The following MMADHC variants were observed in gnomAD, a reference collection of about 807,000 sequenced individuals.
MMADHC encodes metabolism of cobalamin associated D, also known as cobalamin trafficking protein CblD.
Under a neutral mutation model 36.3 loss-of-function variants are expected in MMADHC, and 23 were observed. The ratio of observed to expected loss-of-function variants is 0.63; its 90% CI spans 0.46 to 0.90. MMADHC has a LOEUF of 0.90. Ranked by LOEUF, MMADHC falls within the 40% of genes least tolerant of loss-of-function variation. The pLI, the probability that MMADHC is intolerant of heterozygous loss-of-function variation, is 0.00. For missense variants in MMADHC, 330 were observed against 348.0 expected, an observed-to-expected ratio of 0.95 and a Z score of 0.41; for synonymous variants, 97 against 116.1, an observed-to-expected ratio of 0.84 and a Z score of 1.06.
intron 6 of MMADHC, 80 bp from the exon 7 acceptor site, chr2:149,571,251 C>A: frequency 1.1e-6 from 1 of 897,128 alleles, no homozygotes; most frequent in South Asian, 2.3e-5. Flanking sequence ...TTTTAAGTGA[C>A]TATCTTGTTT....
rs1682802404 is a variant in MMADHC at position 149,582,110 on chromosome 2, T to C, written c.154+17A>G. ...TTTGAAACAATTATAAGTAAAGCAG[T>C]AACAACTTTCACTTACATATATCTG... On this transcript the variant is annotated intron_variant, in intron 3 of 7. Transcript: ENST00000303319. 2 of 1,613,044 alleles carry C rather than the reference T, an allele frequency of 1.2e-6. No homozygotes were observed. The highest frequency in any genetic ancestry group is 1.3e-5 in the African/African-American group (1 of 74,998).
chr2:149,587,057 C>T (rs1235219564), intron 2 of MMADHC, 32 bp downstream of exon 2: 6 of 1,609,286 alleles, frequency 3.7e-6, no homozygotes, highest in African/African-American at 2.7e-5. Flanking sequence ...AACGAGTTTA[C>T]TATGCTGATT....
chr2:149,576,824 T>G (rs994771004), intron 4 of MMADHC, among the ~76,000 whole-genome samples: 3 of 152,190 alleles, frequency 2.0e-5, no homozygotes, highest in Non-Finnish European at 2.9e-5. Flanking sequence ...GCTAAGTAAC[T>G]AAAATGCCAT....
chr2:149,571,673 G>A (rs995750268), intron 6 of MMADHC, among the ~76,000 whole-genome samples: 9 of 151,982 alleles, frequency 5.9e-5, no homozygotes, highest in South Asian at 2.1e-4. Flanking sequence ...CCAGCTACTC[G>A]GGAGGCTGAG....
chr2:149,581,759 A>G (rs1253033167), intron 3 of MMADHC, among the ~76,000 whole-genome samples: 1 of 152,248 alleles, frequency 6.6e-6, no homozygotes, highest in Non-Finnish European at 1.5e-5. Flanking sequence ...CTTTGTAGAA[A>G]GCAGGTAAGT....
intron 2 of MMADHC, among the ~76,000 whole-genome samples, chr2:149,585,627 G>A (rs1682858302): frequency 6.6e-6 from 1 of 152,198 alleles, no homozygotes; most frequent in Non-Finnish European, 1.5e-5. Context: ...TGTAGCTAAG[G>A]AAAGGTTGCT....
At chr2:149,571,926 CAT>C (rs1434633606) in intron 6 of MMADHC, among the ~76,000 whole-genome samples, 16 of 152,046 alleles carry the variant, frequency 1.1e-4, no homozygotes, top group Admixed American at 9.2e-4. Context: ...TATCTACTCA[CAT>C]AGTCATGAAA....
intron 4 of MMADHC, among the ~76,000 whole-genome samples, chr2:149,578,095 C>T (rs1468700934): frequency 6.6e-6 from 1 of 152,014 alleles, no homozygotes; most frequent in African/African-American, 2.4e-5. Flanking sequence ...CTCGAGGTCA[C>T]AAAATTAAGT....
At chr2:149,571,587 T>C (rs373548746) in intron 6 of MMADHC, among the ~76,000 whole-genome samples, 1 of 152,126 alleles carries the variant, frequency 6.6e-6, no homozygotes, top group African/African-American at 2.4e-5. Context: ...GAGACTATAC[T>C]GGCTAACACG....
chr2:149,575,765 A>T lies in MMADHC; in HGVS notation c.555T>A (p.Asp185Glu). ...CTACTTCTTCACTCCAAACAGTCAT[A>T]TCATTCTTAGTTTTTTGTGTTACAG... Reference protein sequence around the residue: ...ILTVTQKTKNDMTVWSEEVEI... With the variant: ...ILTVTQKTKNEMTVWSEEVEI... Residue 185 changes from aspartate to glutamate, a missense_variant, in exon 6 of 8, where the codon GAT becomes GAA. Physicochemically the swap from Asp to Glu is conservative, Grantham distance 45. Transcript: ENST00000303319. The T allele has an allele frequency of 6.2e-7, 1 of 1,610,048 alleles. No homozygotes were observed. The highest frequency in any genetic ancestry group is 1.1e-5 in the South Asian group (1 of 90,604).
Position 149,569,762 on chromosome 2 carries a change from C to CA in MMADHC, c.*211dup. Reference sequence around the variant, plus strand: ...TACAAGCTAATTACCACATCCTATACAATGTGGATGTGTTCAACGTGTATT... The same window carrying CA: ...TACAAGCTAATTACCACATCCTATACAAATGTGGATGTGTTCAACGTGTATT... On this transcript the variant is annotated 3_prime_UTR_variant, in exon 8 of 8. Transcript: ENST00000303319. 5.9e-6 allele frequency: 3 copies of CA among 512,748 alleles called. No homozygotes were observed. In the South Asian group the frequency reaches 7.3e-5, roughly 12 times the overall value. The allele number at this position is 512,748 out of a possible 1,614,324, so 31.8% of individuals were successfully genotyped here.
At chr2:149,581,417 T>C (rs1682791716) in intron 3 of MMADHC, among the ~76,000 whole-genome samples, 2 of 152,158 alleles carry the variant, frequency 1.3e-5, no homozygotes, top group Non-Finnish European at 2.9e-5. Context: ...TTGTAAGTAA[T>C]GTGTGCCATG....
intron 3 of MMADHC, 84 bp downstream of exon 3, chr2:149,582,043 G>T: frequency 6.8e-7 from 1 of 1,462,788 alleles, no homozygotes; most frequent in Non-Finnish European, 9.5e-7. Flanking sequence ...AATCCATTAA[G>T]CCTTAAGAAG....
Position 149,571,192 on chromosome 2 carries a change from A to C in MMADHC, c.610-21T>G, listed in dbSNP as rs926596433. On this transcript the variant is annotated intron_variant, in intron 6 of 7. Coordinates refer to ENST00000303319, the MANE Select transcript of MMADHC (RefSeq NM_015702.3). ...ATGAACTGCAATGGAAGTCACAAAT[A>C]ATATGCTTAAGATAGCATTACTAGA... The C allele has an allele frequency of 8.0e-6, 12 of 1,502,792 alleles. No individual in the cohort carries two copies. In the African/African-American group the frequency reaches 1.1e-4, roughly 14 times the overall value. The allele number at this position is 1,502,792 out of a possible 1,614,324, so 93.1% of individuals were successfully genotyped here.
chr2:149,579,460 CA>C lies in MMADHC; in HGVS notation c.342del (p.Phe114LeufsTer2). The C allele has an allele frequency of 6.2e-7, 1 of 1,612,252 alleles. No homozygotes were observed. The highest frequency in any genetic ancestry group is 8.5e-7 in the Non-Finnish European group (1 of 1,179,944). On this transcript the variant is annotated frameshift_variant, in exon 4 of 8. Transcript: ENST00000303319. LOFTEE classifies it high-confidence loss of function. ...AATTCATTCACATATTGTGCCATCA[CA>C]AACTCATGTCTTTCACTTGATAAAG... ...AEPLSSERHE[F>X]VMAQYVNEFQ...
At position 149,582,139 on chromosome 2, in the gene MMADHC, G is replaced by A. The variant is rs778041300; in HGVS notation, c.142C>T (p.Pro48Ser). Residue 48 changes from proline to serine, a missense_variant, in exon 3 of 8, where the codon CCT becomes TCT. Pro to Ser is a moderately conservative substitution (Grantham distance 74). Coordinates refer to ENST00000303319, the MANE Select transcript of MMADHC (RefSeq NM_015702.3). ...AACTTTCACTTACATATATCTGGAGGTGCAGCAGCCACATGAGACTCATCC... is the reference window on the plus strand; with the variant it reads ...AACTTTCACTTACATATATCTGGAGATGCAGCAGCCACATGAGACTCATCC... ...GSDESHVAAAPPDICSRTVWP... is the reference protein window; with the variant it reads ...GSDESHVAAASPDICSRTVWP... 14 of 1,613,758 alleles carry A rather than the reference G, an allele frequency of 8.7e-6. No individual in the cohort carries two copies. The South Asian group carries it at 1.5e-4, about 18-fold the overall frequency.
intron 6 of MMADHC, 117 bp from the exon 7 acceptor site, chr2:149,571,288 A>G: frequency 3.3e-6 from 2 of 607,980 alleles, no homozygotes; most frequent in Non-Finnish European, 5.4e-6. Context: ...ATTAATAAAA[A>G]AATAAAAACC....
intron 2 of MMADHC, among the ~76,000 whole-genome samples, chr2:149,583,509 T>G (rs185821150): frequency 6.6e-5 from 10 of 152,280 alleles, no homozygotes; most frequent in African/African-American, 2.2e-4. Context: ...AGTCGGAATT[T>G]TAATTTGTAG....
At chr2:149,570,976 T>C (rs560377512) in intron 7 of MMADHC, 109 bp downstream of exon 7, 4 of 913,306 alleles carry the variant, frequency 4.4e-6, no homozygotes, top group African/African-American at 1.7e-5. Context: ...TTGGGTAAAA[T>C]TGTGAGATTT....
Sources: allele counts gnomAD v4.1 joint callset (sites outside exome capture counted in the v4.1 genomes callset), GRCh38; gene constraint gnomAD v4.1.1; transcripts MANE v1.5; gene names NCBI Gene and HGNC (gene_info 2026-07-23, HGNC 2026-07-21).